The following GSG1L2 variants were observed in gnomAD, a reference collection of about 807,000 sequenced individuals.
The protein encoded by GSG1L2 is germ cell-specific gene 1-like protein 2.
GSG1L2 carries 15 observed loss-of-function variants against 9.0 expected under a neutral mutation model. The observed-to-expected ratio is 1.67, with a 90% CI of 1.12 to 2.57. The LOEUF is 2.57. Ranked by LOEUF, GSG1L2 falls within the 30% of genes most tolerant of loss-of-function variation. The probability of loss-of-function intolerance (pLI) is 0.00; values close to 1 mark genes in which losing one functional copy is unlikely to be tolerated. For synonymous variants in GSG1L2, 127 were observed against 57.9 expected (o/e 2.19, Z -5.41); for missense variants, 286 against 150.3 (o/e 1.90, Z -4.72).
chr17:9,813,991 A>G (rs1360094887), intron 1 of GSG1L2, among the ~76,000 whole-genome samples: 1 of 151,684 alleles, frequency 6.6e-6, no homozygotes, highest in Non-Finnish European at 1.5e-5. Context: ...CTGGTGTGCA[A>G]TGGCATGATC....
chr17:9,813,814 G>C (rs193136324), intron 1 of GSG1L2, among the ~76,000 whole-genome samples: 3 of 152,204 alleles, frequency 2.0e-5, no homozygotes, highest in African/African-American at 7.2e-5. Context: ...TTTCTGCCAC[G>C]GTCAGTCACC....
At position 9,809,190 on chromosome 17, in the gene GSG1L2, G is replaced by A. The variant is rs1597941111; in HGVS notation, c.359-208C>T. 1.3e-5 allele frequency: 7 copies of A among 559,454 alleles called. No homozygotes were observed. The Admixed American group carries it at 2.1e-4, about 17-fold the overall frequency. 34.7% of individuals were successfully genotyped at this position (559,454 alleles called of 1,614,324 possible). ...GAGACGGTTGTAGGGATTGCCCGTA[G>A]CTGAACGGGCGGTGGGGTGGGGGCG... On this transcript the variant is annotated intron_variant, in intron 2 of 4. Coordinates refer to ENST00000399363, the MANE Select transcript of GSG1L2 (RefSeq NM_001310219.2).
At chr17:9,808,738 A>G in intron 3 of GSG1L2, 92 bp downstream of exon 3, 1 of 646,672 alleles carries the variant, frequency 1.5e-6, no homozygotes, top group Non-Finnish European at 2.8e-6. Flanking sequence ...GATGGGAAAG[A>G]GCCAGCCTGT....
chr17:9,816,641 G>A (rs1021222358), intron 1 of GSG1L2, among the ~76,000 whole-genome samples: 5 of 124,688 alleles, frequency 4.0e-5, no homozygotes, highest in African/African-American at 1.2e-4. Context: ...GTCTGTGTGC[G>A]TGTCTGTGTG....
At chr17:9,807,409 G>A (rs1362930120) in intron 4 of GSG1L2, 81 bp downstream of exon 4, 4 of 691,300 alleles carry the variant, frequency 5.8e-6, no homozygotes, top group Admixed American at 4.0e-5. Flanking sequence ...ACCAAGGTTG[G>A]TCATCCTACA....
rs73976619 is a variant in GSG1L2 at position 9,810,224 on chromosome 17, T to G, written c.358+347A>C. 1.4e-4 allele frequency: 48 copies of G among 354,418 alleles called. No individual in the cohort carries two copies. The East Asian group carries it at 2.3e-3, about 17-fold the overall frequency. The allele number at this position is 354,418 out of a possible 1,614,324, so 22.0% of individuals were successfully genotyped here. A position where few individuals can be genotyped will look rare whatever the true frequency, so the allele number is the denominator to read the frequency against. On this transcript the variant is annotated intron_variant, in intron 2 of 4. Coordinates refer to ENST00000399363, the MANE Select transcript of GSG1L2 (RefSeq NM_001310219.2). The stretch of plus-strand genomic sequence containing the variant: ...GAGAAGAAAAAACTGCTCTAGGCAG[T>G]GGTGTGCTGAAGCTTATCTCAGAGC...
intron 1 of GSG1L2, 27 bp from the exon 2 acceptor site, chr17:9,810,645 A>T (rs2066535558): frequency 1.4e-6 from 1 of 702,872 alleles, no homozygotes; most frequent in African/African-American, 1.7e-5. Flanking sequence ...ATGCATCCAG[A>T]AGTGGGTTAC....
In GSG1L2 at chr17:9,821,640, C is replaced by A. The variant is rs184997523; in HGVS notation, c.310+122G>T. 2.2e-5 allele frequency: 14 copies of A among 641,208 alleles called. No individual in the cohort carries two copies. The African/African-American group carries it at 2.5e-4, about 11-fold the overall frequency. 39.7% of individuals were successfully genotyped at this position (641,208 alleles called of 1,614,324 possible). On this transcript the variant is annotated intron_variant, in intron 1 of 4. Coordinates refer to ENST00000399363, the MANE Select transcript of GSG1L2 (RefSeq NM_001310219.2). ...AACCCAGACAGCCTGGCTCCAGAGC[C>A]CCTGCATCATCCCGCACCTGTTACC...
intron 3 of GSG1L2, 129 bp from the exon 4 acceptor site, chr17:9,807,730 A>T (rs2066521528): frequency 1.6e-6 from 1 of 629,130 alleles, no homozygotes; most frequent in African/African-American, 1.8e-5. Flanking sequence ...GCATGTATTC[A>T]TCCTTAAACA....
chr17:9,816,707 GTC>G (rs1235507121), intron 1 of GSG1L2, among the ~76,000 whole-genome samples: 3 of 149,926 alleles, frequency 2.0e-5, no homozygotes, highest in African/African-American at 5.0e-5. Flanking sequence ...GTGCATGCGT[GTC>G]TGTGTGTATC....
intron 1 of GSG1L2, among the ~76,000 whole-genome samples, chr17:9,816,918 G>GTGTATC (rs1567711597): frequency 4.4e-5 from 2 of 45,738 alleles, no homozygotes; most frequent in African/African-American, 2.0e-4. Context: ...ATCTGTGTGT[G>GTGTATC]TGTGTGTGTG....
Position 9,816,420 on chromosome 17 carries a change from GTGTGTGCGTGTGTCTCTC to G in GSG1L2, c.310+5324_310+5341del, listed in dbSNP as rs1470246155. Reference sequence around the variant, plus strand: ...TCTGTGTGTGTGTGTGTGTGTCTGTGTGTGTGCGTGTGTCTCTCTGTGTGCGTGTGTCTGTGTGTGCGT... The same window carrying G: ...TCTGTGTGTGTGTGTGTGTGTCTGTGTGTGTGCGTGTGTCTGTGTGTGCGT... On this transcript the variant is annotated intron_variant, in intron 1 of 4. Transcript: ENST00000399363. Among the ~76,000 whole-genome samples the G allele has an allele frequency of 8.6e-5, 13 of 150,686 alleles. 1 individual carries two copies. In the Middle Eastern group the frequency reaches 0.01, roughly 118 times the overall value.
rs1398259463 is a variant in GSG1L2 at position 9,802,298 on chromosome 17, T to C, written c.*88A>G. On this transcript the variant is annotated 3_prime_UTR_variant, in exon 5 of 5. Coordinates refer to ENST00000399363, the MANE Select transcript of GSG1L2 (RefSeq NM_001310219.2). ...AAGCTTTCCCTGGACAACAATCTCC[T>C]GAAGTCCAACCCAGAGGCAGGGTGT... is the stretch of plus-strand genomic sequence containing the variant. The C allele has an allele frequency of 5.1e-6, 3 of 586,146 alleles. No homozygotes were observed. Among genetic ancestry groups the C allele is most frequent in the African/African-American group, 1.9e-5 (1 of 53,706 alleles). The allele number at this position is 586,146 out of a possible 1,614,324, so 36.3% of individuals were successfully genotyped here.
chr17:9,806,327 C>T (rs1346753170), intron 4 of GSG1L2, among the ~76,000 whole-genome samples: 1 of 152,138 alleles, frequency 6.6e-6, no homozygotes, highest in Non-Finnish European at 1.5e-5. Flanking sequence ...GTGAATAAAT[C>T]TTTTGTAAGA....
chr17:9,816,690 T>G (rs565737953), intron 1 of GSG1L2, among the ~76,000 whole-genome samples: 1 of 150,690 alleles, frequency 6.6e-6, no homozygotes, highest in African/African-American at 2.5e-5. Flanking sequence ...TGTGTGTCTG[T>G]GTATGTGTGC....
In GSG1L2 at chr17:9,820,485, G is replaced by GT. The variant is rs563698960; in HGVS notation, c.310+1276dup. On this transcript the variant is annotated intron_variant, in intron 1 of 4. Coordinates refer to ENST00000399363, the MANE Select transcript of GSG1L2 (RefSeq NM_001310219.2). This position sits in a 1 kb window ranked among gnomAD's most constrained non-coding sequence, Gnocchi z 4.9. ...CCCTGAGAAGCGAGGAACTGTGGAG[G>GT]TCCTAAATAGCCTTAGCTCCAGGCA... 2.2e-3 allele frequency among the ~76,000 whole-genome samples: 215 copies of GT among 97,700 alleles called. No homozygotes were observed. The highest frequency in any genetic ancestry group is 2.9e-3 in the Admixed American group (26 of 9,058). 64.1% of individuals were successfully genotyped at this position (97,700 alleles called of 152,430 possible).
intron 3 of GSG1L2, 36 bp downstream of exon 3, chr17:9,808,794 G>A (rs1208095201): frequency 2.9e-6 from 2 of 701,334 alleles, no homozygotes; most frequent in East Asian, 2.7e-5. Context: ...CTTTCCCTCT[G>A]GGGCAGCCTG....
rs1002773811 is a variant in GSG1L2 at position 9,808,989 on chromosome 17, A to G, written c.359-7T>C. 5 of 702,946 alleles carry G rather than the reference A, an allele frequency of 7.1e-6. No homozygotes were observed. The highest frequency in any genetic ancestry group is 3.5e-5 in the African/African-American group (2 of 57,256). The allele number at this position is 702,946 out of a possible 1,614,324, so 43.5% of individuals were successfully genotyped here. On this transcript the variant is annotated splice_polypyrimidine_tract_variant and splice_region_variant and intron_variant, in intron 2 of 4. Coordinates refer to ENST00000399363, the MANE Select transcript of GSG1L2 (RefSeq NM_001310219.2). ...ATGGACAGCCACAAAACACCTGCCA[A>G]AGAACGGGATGTTGGAAACGCTGGA...
At chr17:9,811,597 C>T (rs1345243420) in intron 1 of GSG1L2, among the ~76,000 whole-genome samples, 1 of 152,174 alleles carries the variant, frequency 6.6e-6, no homozygotes, top group Admixed American at 6.5e-5. Flanking sequence ...CCTGTCCCAG[C>T]TGAGTGTCCT....
Sources: gnomAD v4.1 joint callset for allele counts (sites outside exome capture counted in the v4.1 genomes callset) on GRCh38, gnomAD v4.1.1 for gene constraint, Gnocchi (gnomAD v3.1) non-coding constraint, MANE v1.5 for transcripts, NCBI Gene and HGNC (gene_info 2026-07-23, HGNC 2026-07-21) for gene names.